SGCD: variants seen among roughly 807,000 people sequenced by gnomAD.
SGCD encodes sarcoglycan delta, also known as delta-sarcoglycan.
SGCD carries 18 observed loss-of-function variants against 36.6 expected under a neutral mutation model. That is an observed-to-expected ratio of 0.49 (90% CI 0.34 to 0.73). The LOEUF is 0.73. Ranked by LOEUF, SGCD falls within the 30% of genes least tolerant of loss-of-function variation. The pLI is 0.01. For missense variants in SGCD, 387 were observed against 346.7 expected, an observed-to-expected ratio of 1.12 and a Z score of -0.92; for synonymous variants, 133 against 130.6, an observed-to-expected ratio of 1.02 and a Z score of -0.12.
At chr5:155,794,325 C>A in the SGCD span, among the ~76,000 whole-genome samples, 5 of 151,814 alleles carry the variant, frequency 3.3e-5, no homozygotes, top group African/African-American at 1.2e-4. Flanking sequence ...CAAAAAAAAT[C>A]AAGATTAAAA....
chr5:156,147,878 C>A (rs575400980), intron 3 of SGCD, among the ~76,000 whole-genome samples: 76 of 152,132 alleles, frequency 5.0e-4, no homozygotes, highest in South Asian at 1.2e-3. Flanking sequence ...TCATCTCTTT[C>A]TTAGATCTTT....
intron 3 of SGCD, among the ~76,000 whole-genome samples, chr5:156,282,623 C>A (rs967816246): frequency 9.9e-5 from 15 of 152,088 alleles, no homozygotes; most frequent in African/African-American, 3.4e-4. Context: ...TGGTTGGATG[C>A]TATTAGATCC....
chr5:156,731,470 C>A (rs572086330), intron 7 of SGCD, among the ~76,000 whole-genome samples: 130 of 152,296 alleles, frequency 8.5e-4, no homozygotes, highest in Middle Eastern at 3.4e-3. Context: ...AGCCAGTTAT[C>A]TGAGCACCAT....
intron 5 of SGCD, among the ~76,000 whole-genome samples, chr5:156,591,706 T>G (rs1043004627): frequency 1.3e-5 from 2 of 152,192 alleles, no homozygotes; most frequent in African/African-American, 4.8e-5. Flanking sequence ...AATTCAAGAT[T>G]AGTTTCACAT....
Position 155,980,451 on chromosome 5 carries a change from G to A in SGCD, c.-282+110027G>A, listed in dbSNP as rs1758202818. Among the ~76,000 whole-genome samples, 6 of 151,792 alleles carry A rather than the reference G, an allele frequency of 4.0e-5. No homozygotes were observed. The South Asian group carries it at 1.3e-3, about 32-fold the overall frequency. On this transcript the variant is annotated intron_variant, in intron 1 of 9. Transcript: ENST00000517913. ...ATACAAAACAAATGTAGCCAGGCGT[G>A]GTGGCAGACGCCTGTAGACCCAGCT... is the stretch of plus-strand genomic sequence containing the variant.
intron 2 of SGCD, among the ~76,000 whole-genome samples, chr5:156,119,608 A>G (rs1160715345): frequency 2.0e-5 from 3 of 152,058 alleles, no homozygotes; most frequent in African/African-American, 7.2e-5. Flanking sequence ...TCGTCATTAG[A>G]TACATTTGGA....
At chr5:156,595,618 G>A (rs1760895578) in intron 6 of SGCD, among the ~76,000 whole-genome samples, 1 of 152,176 alleles carries the variant, frequency 6.6e-6, no homozygotes, top group African/African-American at 2.4e-5. Flanking sequence ...AGCTTTGTGT[G>A]AAAATGAGTG....
At chr5:156,639,109 C>T (rs545860899) in intron 6 of SGCD, among the ~76,000 whole-genome samples, 90 of 151,596 alleles carry the variant, frequency 5.9e-4, no homozygotes, top group Admixed American at 2.4e-3. Flanking sequence ...ATATATTACA[C>T]TTTAATATAT....
At chr5:156,420,919 T>C (rs759491248) in intron 3 of SGCD, among the ~76,000 whole-genome samples, 1 of 152,124 alleles carries the variant, frequency 6.6e-6, no homozygotes, top group African/African-American at 2.4e-5. Context: ...CAACTGACAT[T>C]TATAGCTTTT....
intron 1 of SGCD, among the ~76,000 whole-genome samples, chr5:156,026,463 C>A (rs1283110639): frequency 6.6e-6 from 1 of 152,172 alleles, no homozygotes; most frequent in Non-Finnish European, 1.5e-5. Flanking sequence ...GAACCCCAAT[C>A]TTGGAACCAG....
At chr5:155,801,723 A>T in the SGCD span, among the ~76,000 whole-genome samples, 4 of 152,246 alleles carry the variant, frequency 2.6e-5, no homozygotes, top group Admixed American at 6.5e-5. Context: ...GTAAGTTACC[A>T]CAGTCTGCCT....
the SGCD span, among the ~76,000 whole-genome samples, chr5:155,823,050 C>T: frequency 6.9e-6 from 1 of 144,990 alleles, no homozygotes; most frequent in African/African-American, 2.5e-5. Flanking sequence ...ATTTCTATAT[C>T]TCTATATCTC....
the SGCD span, among the ~76,000 whole-genome samples, chr5:155,835,657 T>C: frequency 1.3e-5 from 2 of 152,240 alleles, no homozygotes; most frequent in Non-Finnish European, 1.5e-5. Context: ...TCTAGTCTTT[T>C]AGCAAAAGTA....
At chr5:156,003,788 T>C (rs1210467662) in intron 1 of SGCD, among the ~76,000 whole-genome samples, 1 of 152,166 alleles carries the variant, frequency 6.6e-6, no homozygotes, top group African/African-American at 2.4e-5. Flanking sequence ...AAAGTAATGA[T>C]CCTCAGGGCC....
chr5:156,049,557 G>A lies in SGCD; in HGVS notation c.-281-68321G>A, dbSNP rs1360167557. Among the ~76,000 whole-genome samples, 6 of 146,376 alleles carry A rather than the reference G, an allele frequency of 4.1e-5. 1 individual carries two copies. Among genetic ancestry groups the A allele is most frequent in the Middle Eastern group, 7.2e-3 (2 of 278 alleles). The stretch of plus-strand genomic sequence containing the variant: ...CACTAAACGTGGAAAGGAACAACCA[G>A]TACCAGCCACTGCAAAAACATGCCA... On this transcript the variant is annotated intron_variant, in intron 1 of 9. Transcript: ENST00000517913.
rs61125196 is a variant in SGCD at position 156,121,028 on chromosome 5, C to T, written c.-207-2828C>T. On this transcript the variant is annotated intron_variant, in intron 2 of 9. Transcript: ENST00000517913. ...ATGACTTTCTCATGTTACAATGTTC[C>T]GCCATCTGCCCAGGAATGTGGGGGC... 4.0e-3 allele frequency among the ~76,000 whole-genome samples: 604 copies of T among 152,184 alleles called. 6 individuals are homozygous for T. Among genetic ancestry groups the T allele is most frequent in the African/African-American group, 0.014 (572 of 41,532 alleles).
intron 1 of SGCD, among the ~76,000 whole-genome samples, chr5:155,979,696 A>G (rs561987401): frequency 1.8e-4 from 27 of 152,198 alleles, no homozygotes; most frequent in African/African-American, 5.3e-4. Context: ...CTGGCCCACA[A>G]GGTTGATTCT....
At chr5:155,878,910 A>G (rs1300001503) in intron 1 of SGCD, among the ~76,000 whole-genome samples, 1 of 152,140 alleles carries the variant, frequency 6.6e-6, no homozygotes, top group East Asian at 1.9e-4. Context: ...TGCTACTTCT[A>G]GCTAGTTTCA....
intron 7 of SGCD, among the ~76,000 whole-genome samples, chr5:156,720,003 T>C (rs1755416769): frequency 6.6e-6 from 1 of 152,146 alleles, no homozygotes; most frequent in African/African-American, 2.4e-5. Flanking sequence ...TCAAATGCCT[T>C]ACTGCTCCTT....
Sources: allele counts gnomAD v4.1 joint callset (sites outside exome capture counted in the v4.1 genomes callset), GRCh38; gene constraint gnomAD v4.1.1; transcripts MANE v1.5; gene names NCBI Gene and HGNC (gene_info 2026-07-23, HGNC 2026-07-21).